Variants in YIPF1 observed in about 807,000 individuals in gnomAD.
YIPF1 encodes the protein Yip1 domain family member 1, also known as protein YIPF1.
A neutral mutation model predicts 37.0 loss-of-function variants in YIPF1; 22 were observed. The observed-to-expected ratio is 0.59, with a 90% CI of 0.42 to 0.85. YIPF1 has a LOEUF of 0.85. Ranked by LOEUF, YIPF1 falls within the 40% of genes least tolerant of loss-of-function variation. The pLI is 0.00. For synonymous variants in YIPF1, 128 were observed against 131.9 expected (o/e 0.97, Z 0.21); for missense variants, 355 against 373.1 (o/e 0.95, Z 0.40).
In YIPF1 at chr1:53,878,367, T is replaced by G. The variant is rs147640505; in HGVS notation, c.312A>C (p.Ile104=). 29 of 1,613,562 alleles carry G rather than the reference T, an allele frequency of 1.8e-5. No homozygotes were observed. The highest frequency in any genetic ancestry group is 2.4e-5 in the Non-Finnish European group (28 of 1,179,718). The change falls in exon 6 of 11, where the codon ATA becomes ATC. Residue 104 remains isoleucine, a synonymous_variant. Coordinates refer to ENST00000072644, the MANE Select transcript of YIPF1 (RefSeq NM_018982.5). Reference sequence around the variant, plus strand: ...ATAACCTCACAAAGTTTTTCCCGGGTATTGGCAAAAGAGATCCTTTAATTC... The same window carrying G: ...ATAACCTCACAAAGTTTTTCCCGGGGATTGGCAAAAGAGATCCTTTAATTC... ...FDRIKGSLLP[I]PGKNFVRLYI... is the part of the protein sequence containing the mutation.
At chr1:53,862,727 C>G (rs1416154255) in intron 9 of YIPF1, among the ~76,000 whole-genome samples, 1 of 152,168 alleles carries the variant, frequency 6.6e-6, no homozygotes, top group South Asian at 2.1e-4. Flanking sequence ...GTTCCTCTCT[C>G]TGCCCTAATA....
At chr1:53,867,350 G>A (rs917760561) in intron 7 of YIPF1, among the ~76,000 whole-genome samples, 23 of 148,894 alleles carry the variant, frequency 1.5e-4, no homozygotes, top group Non-Finnish European at 2.4e-4. Flanking sequence ...GGTATAACAA[G>A]AGCTGACACT....
intron 10 of YIPF1, among the ~76,000 whole-genome samples, chr1:53,859,677 A>C (rs1186857759): frequency 6.6e-6 from 1 of 152,194 alleles, no homozygotes; most frequent in Non-Finnish European, 1.5e-5. Flanking sequence ...AAAAGAAAAA[A>C]AGAAAGTAAG....
chr1:53,857,250 G>A (rs1347650325), intron 10 of YIPF1, among the ~76,000 whole-genome samples: 2 of 152,216 alleles, frequency 1.3e-5, no homozygotes, highest in Non-Finnish European at 2.9e-5. Flanking sequence ...AGAATCTGAA[G>A]TAGAGGAGCA....
intron 3 of YIPF1, among the ~76,000 whole-genome samples, chr1:53,886,021 C>T (rs1650643510): frequency 6.6e-6 from 1 of 151,616 alleles, no homozygotes; most frequent in Non-Finnish European, 1.5e-5. Flanking sequence ...TTTTAAAAAG[C>T]AGTAGTTTAC....
chr1:53,871,249 T>C, intron 7 of YIPF1, 123 bp downstream of exon 7: 1 of 746,138 alleles, frequency 1.3e-6, no homozygotes. Flanking sequence ...GTAGATACAT[T>C]GAACCCTAAA....
chr1:53,869,684 T>A (rs1650125626), intron 7 of YIPF1, among the ~76,000 whole-genome samples: 1 of 152,090 alleles, frequency 6.6e-6, no homozygotes, highest in African/African-American at 2.4e-5. Flanking sequence ...CCAAACTTCC[T>A]CATTTGGGGG....
intron 7 of YIPF1, among the ~76,000 whole-genome samples, chr1:53,870,149 G>A (rs1250930685): frequency 8.1e-5 from 10 of 123,288 alleles, no homozygotes; most frequent in African/African-American, 1.9e-4. Flanking sequence ...TTGAGCCACC[G>A]CACCGGGTCT....
chr1:53,877,059 T>C (rs570331756), intron 6 of YIPF1, among the ~76,000 whole-genome samples: 2 of 152,344 alleles, frequency 1.3e-5, no homozygotes, highest in South Asian at 4.1e-4. Context: ...CATGGCCTTA[T>C]CTTTAAATCC....
intron 6 of YIPF1, among the ~76,000 whole-genome samples, chr1:53,876,685 A>G (rs1016784892): frequency 2.2e-4 from 33 of 152,338 alleles, no homozygotes; most frequent in African/African-American, 7.5e-4. Flanking sequence ...ATCTCAGGCA[A>G]GTTACTGGAC....
intron 6 of YIPF1, among the ~76,000 whole-genome samples, chr1:53,873,162 CAG>C (rs759293401): frequency 6.6e-6 from 1 of 152,164 alleles, no homozygotes; most frequent in Non-Finnish European, 1.5e-5. Flanking sequence ...TGATGGGCAA[CAG>C]AGACACAGTC....
intron 4 of YIPF1, among the ~76,000 whole-genome samples, chr1:53,880,836 T>C (rs1286869213): frequency 6.6e-6 from 1 of 152,128 alleles, no homozygotes; most frequent in Admixed American, 6.6e-5. Context: ...CAATAAATAG[T>C]GCTGGGAGAA....
Position 53,878,653 on chromosome 1 carries a change from C to T in YIPF1, c.265G>A (p.Asp89Asn). The T allele has an allele frequency of 1.2e-6, 2 of 1,604,180 alleles. No individual in the cohort carries two copies. Among genetic ancestry groups the T allele is most frequent in the Non-Finnish European group, 1.7e-6 (2 of 1,178,078 alleles). Reference protein sequence around the residue: ...FEYYQTFFDVDTYQVFDRIKG... With the variant: ...FEYYQTFFDVNTYQVFDRIKG... ...ATTGGTTTCCAAACCTGGTAGGTGT[C>T]CACATCAAAGAATGTTTGGTAGTAT... Residue 89 changes from aspartate (D) to asparagine (N), a missense_variant, in exon 5 of 11, where the codon GAC (aspartate) becomes AAC (asparagine). Coordinates refer to ENST00000072644, the MANE Select transcript of YIPF1 (RefSeq NM_018982.5).
intron 4 of YIPF1, among the ~76,000 whole-genome samples, chr1:53,879,388 C>A (rs754967005): frequency 2.6e-5 from 4 of 152,120 alleles, no homozygotes; most frequent in Non-Finnish European, 5.9e-5. Context: ...GCCACTGCAT[C>A]CAGCAGTGTA....
chr1:53,875,461 G>A (rs1397026906), intron 6 of YIPF1, among the ~76,000 whole-genome samples: 1 of 152,196 alleles, frequency 6.6e-6, no homozygotes. Context: ...AGGCTGCAGT[G>A]AGCCATTATC....
intron 9 of YIPF1, among the ~76,000 whole-genome samples, chr1:53,862,192 T>G (rs1649901712): frequency 6.6e-6 from 1 of 152,342 alleles, no homozygotes; most frequent in Middle Eastern, 3.4e-3. Context: ...TTTATCCCTT[T>G]TAAAGATGAG....
intron 10 of YIPF1, among the ~76,000 whole-genome samples, chr1:53,855,677 T>C (rs1649701396): frequency 6.6e-6 from 1 of 152,238 alleles, no homozygotes; most frequent in Non-Finnish European, 1.5e-5. Context: ...CACAGGTTTG[T>C]AGCCTAGGAG....
chr1:53,857,902 A>C (rs1173902586), intron 10 of YIPF1, among the ~76,000 whole-genome samples: 1 of 148,910 alleles, frequency 6.7e-6, no homozygotes, highest in African/African-American at 2.5e-5. Context: ...AATCTCTTGA[A>C]CCCGGGAGGC....
intron 7 of YIPF1, among the ~76,000 whole-genome samples, chr1:53,870,899 C>T (rs1206511748): frequency 6.6e-6 from 1 of 150,916 alleles, no homozygotes; most frequent in Non-Finnish European, 1.5e-5. Flanking sequence ...ATGGTCCCAG[C>T]TACTCAGGAG....
Sources: allele counts gnomAD v4.1 joint callset (sites outside exome capture counted in the v4.1 genomes callset), GRCh38; gene constraint gnomAD v4.1.1; transcripts MANE v1.5; gene names NCBI Gene and HGNC (gene_info 2026-07-23, HGNC 2026-07-21).